Variants in EBF2 observed in about 807,000 individuals in gnomAD.
The protein encoded by EBF2 is EBF transcription factor 2.
EBF2 carries 21 observed loss-of-function variants against 72.8 expected under a neutral mutation model. That is an observed-to-expected ratio of 0.29 (90% CI 0.20 to 0.42). The LOEUF is 0.42. Ranked by LOEUF, EBF2 falls within the 10% of genes least tolerant of loss-of-function variation. The probability of loss-of-function intolerance (pLI) is 1.00; values close to 1 mark genes in which losing one functional copy is unlikely to be tolerated. For synonymous variants in EBF2, 299 were observed against 274.2 expected (o/e 1.09, Z -0.89); for missense variants, 637 against 731.2 (o/e 0.87, Z 1.49).
At chr8:25,876,209 C>T (rs1802517964) in intron 10 of EBF2, among the ~76,000 whole-genome samples, 1 of 152,050 alleles carries the variant, frequency 6.6e-6, no homozygotes, top group African/African-American at 2.4e-5. Context: ...GGGAGCTGAA[C>T]AATGAGAACA....
chr8:26,042,008 G>T, intron 2 of EBF2, 87 bp downstream of exon 2: 2 of 1,534,564 alleles, frequency 1.3e-6, no homozygotes, highest in Non-Finnish European at 8.9e-7. Context: ...GAGTGGAAAA[G>T]TGTCGCGAGA....
intron 6 of EBF2, among the ~76,000 whole-genome samples, chr8:25,942,125 GA>G (rs1563408287): frequency 6.6e-6 from 1 of 152,190 alleles, no homozygotes; most frequent in African/African-American, 2.4e-5. Flanking sequence ...TGAGCACAGA[GA>G]GCACCGGAAA....
Position 25,850,627 on chromosome 8 carries a change from C to T in EBF2, c.1663G>A (p.Ala555Thr), listed in dbSNP as rs767104768. 65 of 1,562,388 alleles carry T rather than the reference C, an allele frequency of 4.2e-5. No individual in the cohort carries two copies. Among genetic ancestry groups the T allele is most frequent in the Non-Finnish European group, 5.5e-5 (64 of 1,162,486 alleles). The change falls in exon 15 of 16, where the codon GCC (alanine) becomes ACC (threonine). Residue 555 changes from alanine to threonine, a missense_variant. By Grantham distance (58) the Ala-to-Thr change is moderately conservative (BLOSUM62 0). Transcript: ENST00000520164. Reference protein sequence around the residue: ...VIRPQGSPSPACSSGNGNGFR... With the variant: ...VIRPQGSPSPTCSSGNGNGFR... Reference sequence around the variant, plus strand: ...CCATTTCCATTGCCGCTGGAGCAGGCAGGTGAAGGGGAGCCTTGGGGCCTG... The same window carrying T: ...CCATTTCCATTGCCGCTGGAGCAGGTAGGTGAAGGGGAGCCTTGGGGCCTG...
chr8:25,966,567 AC>A (rs1804119018), intron 6 of EBF2, among the ~76,000 whole-genome samples: 1 of 152,240 alleles, frequency 6.6e-6, no homozygotes, highest in Non-Finnish European at 1.5e-5. Context: ...TTATTCTATT[AC>A]ATAAAGTATA....
intron 6 of EBF2, among the ~76,000 whole-genome samples, chr8:25,957,240 A>G (rs1051052162): frequency 2.8e-4 from 42 of 152,344 alleles, no homozygotes; most frequent in African/African-American, 1.0e-3. Context: ...AATGAAGATC[A>G]TGATGCTTTG....
At chr8:25,921,152 C>G (rs1803301245) in intron 6 of EBF2, among the ~76,000 whole-genome samples, 2 of 152,172 alleles carry the variant, frequency 1.3e-5, no homozygotes, top group African/African-American at 2.4e-5. Context: ...TGGCTATTAA[C>G]ACTGGGTCAG....
At position 25,861,180 on chromosome 8, in the gene EBF2, C is replaced by T. The variant is rs1334451034; in HGVS notation, c.1211G>A (p.Ser404Asn). The T allele has an allele frequency of 4.3e-6, 7 of 1,613,728 alleles. No homozygotes were observed. The highest frequency in any genetic ancestry group is 5.9e-6 in the Non-Finnish European group (7 of 1,179,890). Residue 404 changes from serine to asparagine, a missense_variant, in exon 13 of 16, where the codon AGC (serine) becomes AAC (asparagine). This residue lies in a region of EBF2 where 259 missense variants were observed against 268.1 expected (regional missense o/e 0.97). Transcript: ENST00000520164. ...RAADIAEALYSVPRNPSQLPA... is the reference protein window; with the variant it reads ...RAADIAEALYNVPRNPSQLPA... The stretch of plus-strand genomic sequence containing the variant: ...AAGCTGGCTGGGATTCCTGGGGACG[C>T]TGTAGAGAGCTTCAGCAATGTCTGC...
rs763352674 is a variant in EBF2 at position 25,908,481 on chromosome 8, C to T, written c.626G>A (p.Arg209Gln). Residue 209 changes from arginine to glutamine, a missense_variant, in exon 7 of 16, where the codon CGG (arginine) becomes CAG (glutamine). By Grantham distance (43) the Arg-to-Gln change is conservative. This residue lies in a region of EBF2 where 204 missense variants were observed against 301.2 expected (regional missense o/e 0.68). Coordinates refer to ENST00000520164, the MANE Select transcript of EBF2 (RefSeq NM_022659.4). The stretch of plus-strand genomic sequence containing the variant: ...ATCTGCAGGGCCCCTTACCTGAAAC[C>T]GTCTCATGTCCCTTGGGTTTCCTGC... ...KTAGNPRDMRRFQVVLSTTVN... is the reference protein window; with the variant it reads ...KTAGNPRDMRQFQVVLSTTVN... The T allele has an allele frequency of 4.3e-6, 7 of 1,611,916 alleles. No individual in the cohort carries two copies. Among genetic ancestry groups the T allele is most frequent in the Non-Finnish European group, 5.9e-6 (7 of 1,178,594 alleles).
intron 14 of EBF2, 161 bp downstream of exon 14, chr8:25,858,158 A>C (rs1398782864): frequency 2.2e-6 from 2 of 912,392 alleles, no homozygotes; most frequent in Non-Finnish European, 3.5e-6. Flanking sequence ...AGTCCAGCTA[A>C]GGGAAAAGAA....
intron 7 of EBF2, among the ~76,000 whole-genome samples, chr8:25,898,859 A>T (rs1802900167): frequency 2.0e-5 from 3 of 152,176 alleles, no homozygotes; most frequent in Admixed American, 2.0e-4. Context: ...TTTGCTTTCC[A>T]GGAAGTTCTG....
intron 6 of EBF2, among the ~76,000 whole-genome samples, chr8:26,015,729 C>T (rs1009252441): frequency 9.8e-5 from 15 of 152,332 alleles, no homozygotes; most frequent in Admixed American, 3.9e-4. Flanking sequence ...GTTGCTTCTT[C>T]ACAAACTCCT....
intron 6 of EBF2, among the ~76,000 whole-genome samples, chr8:25,922,554 T>C (rs1803321951): frequency 6.6e-6 from 1 of 152,196 alleles, no homozygotes; most frequent in Admixed American, 6.5e-5. Context: ...CAGCCACCCA[T>C]TTCCTCTGCC....
At chr8:25,949,298 C>T in intron 6 of EBF2, among the ~76,000 whole-genome samples, 1 of 152,222 alleles carries the variant, frequency 6.6e-6, no homozygotes, top group East Asian at 1.9e-4. Flanking sequence ...ACTGCTACGT[C>T]ATGCTGTCTT....
In EBF2 at chr8:26,040,089, C is replaced by T. The variant is rs1421234042; in HGVS notation, c.421G>A (p.Glu141Lys). 1.2e-6 allele frequency: 2 copies of T among 1,613,712 alleles called. No homozygotes were observed. Residue 141 changes from glutamate to lysine, a missense_variant, in exon 5 of 16, where the codon GAG becomes AAG. By Grantham distance (56) the Glu-to-Lys change is moderately conservative. Around this residue, in one of 3 missense-constraint regions of EBF2, gnomAD observed 204 missense variants for 301.2 expected, o/e 0.68. Coordinates refer to ENST00000520164, the MANE Select transcript of EBF2 (RefSeq NM_022659.4). ...DSVTKQPIAYEGQNKNPEMCR... is the reference protein window; with the variant it reads ...DSVTKQPIAYKGQNKNPEMCR... ...ATTTCCGGATTCTTATTCTGTCCCT[C>T]GTAAGCGATGGGCTGTGAAGGAGGT...
intron 6 of EBF2, among the ~76,000 whole-genome samples, chr8:25,940,643 A>AC (rs1236780212): frequency 5.3e-4 from 80 of 151,852 alleles, no homozygotes; most frequent in African/African-American, 1.9e-3. Flanking sequence ...TAAAAAAAAA[A>AC]CCACAAAACC....
intron 6 of EBF2, among the ~76,000 whole-genome samples, chr8:25,949,951 T>C (rs1483043234): frequency 6.6e-6 from 1 of 152,190 alleles, no homozygotes; most frequent in Non-Finnish European, 1.5e-5. Flanking sequence ...CTAGCAATAT[T>C]AACCTCATCA....
chr8:25,955,904 C>A lies in EBF2; in HGVS notation c.552-47349G>T, dbSNP rs573158143. Among the ~76,000 whole-genome samples the A allele has an allele frequency of 2.6e-5, 4 of 152,258 alleles. No homozygotes were observed. In the South Asian group the frequency reaches 8.3e-4, roughly 32 times the overall value. Reference sequence around the variant, plus strand: ...CAAGGAAACACTGCTCTCCCAAGAACTGAGGTGTTAGTCAGGTACAGGGGC... The same window carrying A: ...CAAGGAAACACTGCTCTCCCAAGAAATGAGGTGTTAGTCAGGTACAGGGGC... On this transcript the variant is annotated intron_variant, in intron 6 of 15. Coordinates refer to ENST00000520164, the MANE Select transcript of EBF2 (RefSeq NM_022659.4).
At chr8:25,952,077 G>A (rs755148262) in intron 6 of EBF2, among the ~76,000 whole-genome samples, 1 of 152,166 alleles carries the variant, frequency 6.6e-6, no homozygotes, top group Non-Finnish European at 1.5e-5. Flanking sequence ...AGGATTGCTT[G>A]AGGCCAGGAG....
intron 6 of EBF2, among the ~76,000 whole-genome samples, chr8:25,936,922 C>T (rs1453360114): frequency 6.6e-6 from 1 of 152,078 alleles, no homozygotes; most frequent in African/African-American, 2.4e-5. Flanking sequence ...ATACCACACA[C>T]AGTATAGTTC....
Sources: allele counts gnomAD v4.1 joint callset (sites outside exome capture counted in the v4.1 genomes callset), GRCh38; gene constraint gnomAD v4.1.1; regional missense constraint gnomAD v4.1.1; transcripts MANE v1.5; gene names NCBI Gene and HGNC (gene_info 2026-07-23, HGNC 2026-07-21).